TMEM37: variants seen among roughly 807,000 people sequenced by gnomAD.
TMEM37 encodes the protein voltage-dependent calcium channel gamma-like subunit.
A neutral mutation model predicts 11.0 loss-of-function variants in TMEM37; 12 were observed. That is an observed-to-expected ratio of 1.09 (90% confidence interval 0.70 to 1.76). The LOEUF is 1.76. TMEM37 is among the 40% of genes most tolerant of loss of function. The pLI is 0.00. For missense variants in TMEM37, 203 were observed against 251.2 expected (o/e 0.81, Z 1.30); for synonymous variants, 127 against 110.5 (o/e 1.15, Z -0.94).
At chr2:119,431,709 C>A (rs1304231113), upstream of TMEM37, among the ~76,000 whole-genome samples, 7 of 152,248 alleles carry the variant, frequency 4.6e-5, no homozygotes, top group African/African-American at 1.7e-4. Flanking sequence ...GCTGACTCAG[C>A]GTAATCCGAG....
rs1682403338 is a variant in TMEM37, at chr2:119,431,887, C to G, written c.-17C>G. ...AGCTGGAGCGATCGAGGCTGCAGCG[C>G]GGCCGCCGGGCGCAGCATGACTGCC... is the stretch of plus-strand genomic sequence containing the variant. On this transcript the variant is annotated 5_prime_UTR_variant, in exon 1 of 2. Transcript: ENST00000306406. The G allele has an allele frequency of 8.2e-7, 1 of 1,226,314 alleles. No homozygotes were observed. The highest frequency in any genetic ancestry group is 1.0e-6 in the Non-Finnish European group (1 of 984,518). The allele number at this position is 1,226,314 out of a possible 1,614,324, so 76.0% of individuals were successfully genotyped here. A position where few individuals can be genotyped will look rare whatever the true frequency, so the allele number is the denominator to read the frequency against.
upstream of TMEM37, among the ~76,000 whole-genome samples, chr2:119,430,587 AC>A (rs1485694398): frequency 6.6e-6 from 1 of 152,092 alleles, no homozygotes; most frequent in Non-Finnish European, 1.5e-5. Flanking sequence ...AATTGTAACT[AC>A]CCCTCTTTCT....
chr2:119,432,212 A>G, intron 1 of TMEM37: 1 of 348,372 alleles, frequency 2.9e-6, no homozygotes, highest in East Asian at 4.2e-5. Flanking sequence ...TTCATTTGGA[A>G]AGATTTTTCT....
At chr2:119,434,457 A>ATTTTT (rs112573313) in intron 1 of TMEM37, among the ~76,000 whole-genome samples, 4 of 144,754 alleles carry the variant, frequency 2.8e-5, no homozygotes, top group African/African-American at 1.0e-4. Flanking sequence ...TTACCGGTAG[A>ATTTTT]TTTTTTTTTT....
At position 119,437,036 on chromosome 2, in the gene TMEM37, C is replaced by G; in HGVS notation, c.169C>G (p.Leu57Val). The G allele has an allele frequency of 1.2e-6, 2 of 1,612,668 alleles. No homozygotes were observed. The highest frequency in any genetic ancestry group is 1.7e-6 in the Non-Finnish European group (2 of 1,179,768). The change falls in exon 2 of 2, where the codon CTC becomes GTC. Residue 57 changes from leucine (L) to valine (V), a missense_variant. Coordinates refer to ENST00000306406, the MANE Select transcript of TMEM37 (RefSeq NM_183240.3). ...DGHWLLAEDR[L>V]FGLWHFCTTT... is the part of the protein sequence containing the mutation. ...GCACTGGCTCCTGGCTGAGGACCGCCTCTTCGGGCTCTGGCACTTCTGCAC... is the reference window on the plus strand; with the variant it reads ...GCACTGGCTCCTGGCTGAGGACCGCGTCTTCGGGCTCTGGCACTTCTGCAC...
chr2:119,433,865 G>A (rs748993727), intron 1 of TMEM37, among the ~76,000 whole-genome samples: 114 of 152,176 alleles, frequency 7.5e-4, no homozygotes, highest in Non-Finnish European at 1.4e-3. Flanking sequence ...TGGAGATGCC[G>A]GGTGGTTAGG....
intron 1 of TMEM37, among the ~76,000 whole-genome samples, chr2:119,436,567 C>T (rs888766071): frequency 4.6e-5 from 7 of 152,046 alleles, no homozygotes; most frequent in African/African-American, 9.7e-5. Flanking sequence ...GATGCAGGCA[C>T]GACAGGTTTT....
upstream of TMEM37, chr2:119,431,834 G>C (rs924798973): frequency 1.5e-5 from 18 of 1,221,458 alleles, no homozygotes; most frequent in Non-Finnish European, 1.7e-5. Flanking sequence ...GAGAAGTCCC[G>C]GGCTGGCGCC....
chr2:119,434,170 C>G (rs1429482497), intron 1 of TMEM37, among the ~76,000 whole-genome samples: 1 of 152,132 alleles, frequency 6.6e-6, no homozygotes, highest in Non-Finnish European at 1.5e-5. Context: ...TGCCTGTTTT[C>G]CAGCCAGCAT....
intron 1 of TMEM37, 55 bp downstream of exon 1, chr2:119,431,979 T>G: frequency 6.2e-5 from 59 of 948,840 alleles, no homozygotes; most frequent in South Asian, 1.6e-4. Flanking sequence ...CGTGGGAGGT[T>G]GGGGGTGGGA....
upstream of TMEM37, among the ~76,000 whole-genome samples, chr2:119,431,213 G>T (rs1328874787): frequency 3.3e-5 from 5 of 152,016 alleles, no homozygotes; most frequent in African/African-American, 7.3e-5. Flanking sequence ...CATTTGTTTG[G>T]CATATTTGCA....
Position 119,431,931 on chromosome 2 carries a change from G to A in TMEM37, c.21+7G>A, listed in dbSNP as rs937730683. 7.3e-6 allele frequency: 9 copies of A among 1,224,924 alleles called. No homozygotes were observed. Among genetic ancestry groups the A allele is most frequent in the Non-Finnish European group, 9.2e-6 (9 of 983,354 alleles). 75.9% of individuals were successfully genotyped at this position (1,224,924 alleles called of 1,614,324 possible). On this transcript the variant is annotated splice_region_variant and intron_variant, in intron 1 of 1. Transcript: ENST00000306406. Reference sequence around the variant, plus strand: ...GACTGCCGTCGGCGTGCAGGTAGCCGGCGCCTGGCGGGGCGCTGACCCGGG... The same window carrying A: ...GACTGCCGTCGGCGTGCAGGTAGCCAGCGCCTGGCGGGGCGCTGACCCGGG...
At chr2:119,432,169 T>C (rs1420045842) in intron 1 of TMEM37, 2 of 368,744 alleles carry the variant, frequency 5.4e-6, no homozygotes, top group East Asian at 3.9e-5. Flanking sequence ...CTGCTTCTGC[T>C]CGCGGCCTTG....
chr2:119,438,152 C>T lies in TMEM37; in HGVS notation c.*712C>T, dbSNP rs1426122908. 1 of 152,224 alleles carries T rather than the reference C, an allele frequency of 6.6e-6. No homozygotes were observed. Among genetic ancestry groups the T allele is most frequent in the African/African-American group, 2.4e-5 (1 of 41,452 alleles). The allele number at this position is 152,224 out of a possible 1,614,324, so 9.4% of individuals were successfully genotyped here. On this transcript the variant is annotated 3_prime_UTR_variant, in exon 2 of 2. Coordinates refer to ENST00000306406, the MANE Select transcript of TMEM37 (RefSeq NM_183240.3). ...TCTGGGAGCTCTGCCTATCAGAACC[C>T]TACCTTAAGGTGGGTTTCCTTCCGA...
chr2:119,430,190 G>A, upstream of TMEM37: 2 of 642,596 alleles, frequency 3.1e-6, no homozygotes, highest in South Asian at 1.8e-5. Flanking sequence ...CCCCAGAGCA[G>A]AGAGGCACCA....
chr2:119,437,683 A>G lies in TMEM37; in HGVS notation c.*243A>G. Reference sequence around the variant, plus strand: ...TGCCACCAACTGCACAGGCTTAGCCAGATGTTGATTTTAGAGGAAGAAAAA... The same window carrying G: ...TGCCACCAACTGCACAGGCTTAGCCGGATGTTGATTTTAGAGGAAGAAAAA... On this transcript the variant is annotated 3_prime_UTR_variant, in exon 2 of 2. Coordinates refer to ENST00000306406, the MANE Select transcript of TMEM37 (RefSeq NM_183240.3). 2 of 533,214 alleles carry G rather than the reference A, an allele frequency of 3.8e-6. No homozygotes were observed. The highest frequency in any genetic ancestry group is 6.5e-6 in the Non-Finnish European group (2 of 306,002). The allele number at this position is 533,214 out of a possible 1,614,324, so 33.0% of individuals were successfully genotyped here.
At position 119,437,262 on chromosome 2, in the gene TMEM37, T is replaced by A; in HGVS notation, c.395T>A (p.Leu132Gln). 6.2e-7 allele frequency: 1 copy of A among 1,614,262 alleles called. No individual in the cohort carries two copies. Reference sequence around the variant, plus strand: ...TGGGTCATGGGTTCCATCCTCCTCCTGGTGTCTTTCGTCCTCTCCTCCGGC... The same window carrying A: ...TGGGTCATGGGTTCCATCCTCCTCCAGGTGTCTTTCGTCCTCTCCTCCGGC... ...CKWVMGSILL[L>Q]VSFVLSSGGL... The change falls in exon 2 of 2, where the codon CTG becomes CAG. Residue 132 changes from leucine to glutamine, a missense_variant. Leu to Gln is a moderately radical substitution (Grantham distance 113). Coordinates refer to ENST00000306406, the MANE Select transcript of TMEM37 (RefSeq NM_183240.3).
In TMEM37 at chr2:119,437,952, G is replaced by A. The variant is rs924762816; in HGVS notation, c.*512G>A. Reference sequence around the variant, plus strand: ...TCTTCCACCAGCTCAAAGGGCCTTCGTATGTATGTCCCTGGCTTCAGCTTT... The same window carrying A: ...TCTTCCACCAGCTCAAAGGGCCTTCATATGTATGTCCCTGGCTTCAGCTTT... On this transcript the variant is annotated 3_prime_UTR_variant, in exon 2 of 2. Transcript: ENST00000306406. The A allele has an allele frequency of 1.9e-5, 3 of 156,762 alleles. No homozygotes were observed. The highest frequency in any genetic ancestry group is 6.3e-5 in the Admixed American group (1 of 15,996). 9.7% of individuals were successfully genotyped at this position (156,762 alleles called of 1,614,324 possible). A position where few individuals can be genotyped will look rare whatever the true frequency, so the allele number is the denominator to read the frequency against.
chr2:119,437,501 T>A lies in TMEM37; in HGVS notation c.*61T>A. 1 of 1,551,754 alleles carries A rather than the reference T, an allele frequency of 6.4e-7. No individual in the cohort carries two copies. Reference sequence around the variant, plus strand: ...ATTCCACAAGAAAATATGGTCAAAATGGGACTTTTCCAGCATGTGGCCTCT... The same window carrying A: ...ATTCCACAAGAAAATATGGTCAAAAAGGGACTTTTCCAGCATGTGGCCTCT... On this transcript the variant is annotated 3_prime_UTR_variant, in exon 2 of 2. Transcript: ENST00000306406.
Sources: allele counts gnomAD v4.1 joint callset (sites outside exome capture counted in the v4.1 genomes callset), GRCh38; gene constraint gnomAD v4.1.1; transcripts MANE v1.5; gene names NCBI Gene and HGNC (gene_info 2026-07-23, HGNC 2026-07-21).